ANKLE2: variants seen among roughly 807,000 people sequenced by gnomAD.
The protein encoded by ANKLE2 is ankyrin repeat and LEM domain-containing protein 2.
ANKLE2 carries 55 observed loss-of-function variants against 84.2 expected under a neutral mutation model. That is an observed-to-expected ratio of 0.65 (90% CI 0.53 to 0.82). The LOEUF (loss-of-function observed/expected upper bound fraction) is 0.82. Among genes scored for constraint, ANKLE2 ranks in the 40% least tolerant of loss-of-function variants. The pLI is 0.00. For missense variants in ANKLE2, 1,238 were observed against 1,201.9 expected (o/e 1.03, Z -0.44); for synonymous variants, 551 against 486.1 (o/e 1.13, Z -1.76).
intron 10 of ANKLE2, among the ~76,000 whole-genome samples, chr12:132,732,647 T>C (rs2043896640): frequency 7.8e-6 from 1 of 128,096 alleles, no homozygotes. Context: ...TGAAGCGCTC[T>C]GCGTGCTGGT....
chr12:132,748,610 G>A (rs1248553122), intron 3 of ANKLE2, among the ~76,000 whole-genome samples: 2 of 152,150 alleles, frequency 1.3e-5, no homozygotes, highest in African/African-American at 4.8e-5. Context: ...CAGCCAGCGC[G>A]CCCCCATGAG....
rs11147031 is a variant in ANKLE2, at chr12:132,732,702, T to C, written c.1891+1683A>G. On this transcript the variant is annotated intron_variant, in intron 10 of 12. Transcript: ENST00000357997. ...AAGCTCTCTGCGTCCTGGTGTCTGATATGCACCGTGTGAAGCTCTCTGCGT... is the reference window on the plus strand; with the variant it reads ...AAGCTCTCTGCGTCCTGGTGTCTGACATGCACCGTGTGAAGCTCTCTGCGT... 5.4e-3 allele frequency among the ~76,000 whole-genome samples: 133 copies of C among 24,720 alleles called. 1 individual carries two copies. The highest frequency in any genetic ancestry group is 0.014 in the East Asian group (5 of 346). The allele number at this position is 24,720 out of a possible 152,430, so 16.2% of individuals were successfully genotyped here.
chr12:132,740,226 G>T (rs1260626045), intron 7 of ANKLE2, among the ~76,000 whole-genome samples: 2 of 152,198 alleles, frequency 1.3e-5, no homozygotes, highest in African/African-American at 4.8e-5. Context: ...GCCGCTAACA[G>T]CATGCAGGAT....
rs2043690457 is a variant in ANKLE2 at position 132,725,871 on chromosome 12, A to AT, written c.*1370dup. ...CTAGATCTTGTCTGCTACAAAACAA[A>AT]TGAACACACCCTGTGTAACAAAATC... On this transcript the variant is annotated 3_prime_UTR_variant, in exon 13 of 13. Transcript: ENST00000357997. 1 of 152,256 alleles carries AT rather than the reference A, an allele frequency of 6.6e-6. No homozygotes were observed. Among genetic ancestry groups the AT allele is most frequent in the South Asian group, 2.1e-4 (1 of 4,836 alleles). 9.4% of individuals were successfully genotyped at this position (152,256 alleles called of 1,614,324 possible).
Position 132,730,231 on chromosome 12 carries a change from T to C in ANKLE2, c.1931A>G (p.Asp644Gly). 1.3e-6 allele frequency: 2 copies of C among 1,582,458 alleles called. No homozygotes were observed. The highest frequency in any genetic ancestry group is 1.1e-5 in the South Asian group (1 of 88,594). ...SISVRAFLDE[D>G]DMSLEEIKNR... ...TTTTATTTCTTCCAAGCTCATGTCA[T>C]CTTCATCTAGAAACGCCCTCACGGA... Residue 644 changes from aspartate (D) to glycine (G), a missense_variant, in exon 11 of 13, where the codon GAT becomes GGT. Around this residue, in one of 3 missense-constraint regions of ANKLE2, gnomAD observed 802 missense variants for 774.5 expected, o/e 1.04. Coordinates refer to ENST00000357997, the MANE Select transcript of ANKLE2 (RefSeq NM_015114.3).
intron 7 of ANKLE2, among the ~76,000 whole-genome samples, 159 bp downstream of exon 7, chr12:132,741,260 A>C (rs2136138062): frequency 6.6e-6 from 1 of 152,346 alleles, no homozygotes; most frequent in East Asian, 1.9e-4. Context: ...GAGCTAGGAG[A>C]GCTCAGGAGA....
chr12:132,734,536 G>A lies in ANKLE2; in HGVS notation c.1740C>T (p.Tyr580=), dbSNP rs769801324. 2 of 1,613,872 alleles carry A rather than the reference G, an allele frequency of 1.2e-6. No homozygotes were observed. Among genetic ancestry groups the A allele is most frequent in the African/African-American group, 2.7e-5 (2 of 74,894 alleles). Residue 580 remains tyrosine, a synonymous_variant, in exon 10 of 13, where the codon TAC becomes TAT. Coordinates refer to ENST00000357997, the MANE Select transcript of ANKLE2 (RefSeq NM_015114.3). Reference sequence around the variant, plus strand: ...CAACAAAACAGCCCAGAAATTCCCAGTATTCAACCCAGGGATACCCCAGCT... The same window carrying A: ...CAACAAAACAGCCCAGAAATTCCCAATATTCAACCCAGGGATACCCCAGCT... ...AHELGYPWVE[Y]WEFLGCFVDL...
chr12:132,752,246 A>G (rs56250525), intron 2 of ANKLE2, among the ~76,000 whole-genome samples: 7,890 of 152,274 alleles, frequency 0.052, 656 homozygotes, highest in African/African-American at 0.18. Context: ...AGGCTGCAGC[A>G]GGAAAATCAC....
Position 132,743,441 on chromosome 12 carries a change from C to A in ANKLE2, c.1231-165G>T, listed in dbSNP as rs1335638199. ...TGCAACCTCTGCCTCCCGGGTTTAA[C>A]CGATTCTCCTGCCTCAGGCTCCCCA... On this transcript the variant is annotated intron_variant, in intron 5 of 12. Transcript: ENST00000357997. This position sits in a 1 kb window ranked among gnomAD's most constrained non-coding sequence, Gnocchi z 4.1. Among the ~76,000 whole-genome samples the A allele has an allele frequency of 3.3e-5, 5 of 151,916 alleles. No homozygotes were observed. The highest frequency in any genetic ancestry group is 3.3e-4 in the Admixed American group (5 of 15,264).
intron 7 of ANKLE2, chr12:132,738,059 G>C (rs80125509): frequency 0.056 from 8,582 of 152,434 alleles, 323 homozygotes; most frequent in East Asian, 0.11. Flanking sequence ...CAGCCTCCTC[G>C]CTTCTCAGTC....
At chr12:132,736,847 T>C (rs2044019097) in intron 8 of ANKLE2, 46 bp downstream of exon 8, 2 of 1,561,658 alleles carry the variant, frequency 1.3e-6, no homozygotes. Flanking sequence ...CAGCACAGTA[T>C]AGGGACAGCC....
chr12:132,758,038 T>G (rs574065626), intron 1 of ANKLE2: 11 of 150,562 alleles, frequency 7.3e-5, no homozygotes, highest in African/African-American at 2.2e-4. Context: ...AAGGGTATGG[T>G]TGTATTCCAA....
At chr12:132,741,813 T>C in intron 6 of ANKLE2, 1 of 488,212 alleles carries the variant, frequency 2.0e-6, no homozygotes, top group Non-Finnish European at 4.0e-6. Flanking sequence ...TCTAACCTTC[T>C]TGGTTGGTTG....
In ANKLE2 at chr12:132,729,699, G is replaced by T. The variant is rs755196191; in HGVS notation, c.2463C>A (p.Ala821=). ...EDQLEVTREP[A]RRLFLFGEEP... ...CCTACCCAAAAAGGAAGAGCCGCCT[G>T]GCCGGTTCCCTGGTGACCTCGAGCT... The change falls in exon 11 of 13, where the codon GCC becomes GCA. Residue 821 remains alanine (A), a synonymous_variant. Coordinates refer to ENST00000357997, the MANE Select transcript of ANKLE2 (RefSeq NM_015114.3). The T allele has an allele frequency of 6.2e-7, 1 of 1,607,902 alleles. No individual in the cohort carries two copies. Among genetic ancestry groups the T allele is most frequent in the African/African-American group, 1.4e-5 (1 of 73,618 alleles).
intron 10 of ANKLE2, among the ~76,000 whole-genome samples, chr12:132,733,217 C>T (rs2043926958): frequency 6.9e-6 from 1 of 145,834 alleles, no homozygotes; most frequent in Non-Finnish European, 1.5e-5. Context: ...AAGCTCTCTG[C>T]GTCCTGGTGT....
chr12:132,760,476 C>CA (rs2044603523), intron 1 of ANKLE2: 1 of 152,284 alleles, frequency 6.6e-6, no homozygotes, highest in Non-Finnish European at 1.5e-5. Flanking sequence ...GACTGCCCCC[C>CA]ACTTCCAGTG....
chr12:132,748,749 T>C (rs1478711638), intron 3 of ANKLE2: 2 of 223,334 alleles, frequency 9.0e-6, no homozygotes, highest in Non-Finnish European at 1.8e-5. Flanking sequence ...CAGGCTGGAG[T>C]GTGGTGGCAC....
At chr12:132,739,707 GTCTCTC>G (rs1258482498) in intron 7 of ANKLE2, among the ~76,000 whole-genome samples, 2 of 152,192 alleles carry the variant, frequency 1.3e-5, no homozygotes, top group African/African-American at 4.8e-5. Flanking sequence ...ACAAGCGTGG[GTCTCTC>G]TCTGAGTGAC....
At chr12:132,733,448 G>A (rs1242419443) in intron 10 of ANKLE2, among the ~76,000 whole-genome samples, 1 of 93,834 alleles carries the variant, frequency 1.1e-5, no homozygotes, top group Non-Finnish European at 2.0e-5. Context: ...CTCTCTGCGT[G>A]CTGGTGTCTG....
Sources: allele counts gnomAD v4.1 joint callset (sites outside exome capture counted in the v4.1 genomes callset), GRCh38; gene constraint gnomAD v4.1.1; regional missense constraint gnomAD v4.1.1; non-coding constraint Gnocchi (gnomAD v3.1); transcripts MANE v1.5; gene names NCBI Gene and HGNC (gene_info 2026-07-23, HGNC 2026-07-21).